DPP6: variants seen among roughly 807,000 people sequenced by gnomAD.
DPP6 encodes A-type potassium channel modulatory protein DPP6.
In DPP6, 69 loss-of-function variants were observed where a neutral mutation model predicts 122.6. The ratio of observed to expected loss-of-function variants is 0.56; its 90% CI spans 0.46 to 0.69. DPP6 has a LOEUF of 0.69. DPP6 is among the 30% of genes least tolerant of loss of function. The pLI is 0.00. For missense variants in DPP6, 928 were observed against 1,116.9 expected, an observed-to-expected ratio of 0.83 and a Z score of 2.41; for synonymous variants, 418 against 433.1, an observed-to-expected ratio of 0.97 and a Z score of 0.43.
chr7:154,695,925 C>T (rs992975399), intron 7 of DPP6, among the ~76,000 whole-genome samples: 1 of 152,138 alleles, frequency 6.6e-6, no homozygotes, highest in African/African-American at 2.4e-5. Context: ...GACACCTCCC[C>T]GAAAGCCACA....
At chr7:154,307,807 C>T (rs1267651572) in intron 1 of DPP6, among the ~76,000 whole-genome samples, 1 of 151,498 alleles carries the variant, frequency 6.6e-6, no homozygotes, top group Non-Finnish European at 1.5e-5. Flanking sequence ...TTCAGGGATA[C>T]CTCTATTCCC....
intron 1 of DPP6, among the ~76,000 whole-genome samples, chr7:154,083,617 G>A (rs1804192562): frequency 6.7e-6 from 1 of 150,156 alleles, no homozygotes; most frequent in South Asian, 2.2e-4. Flanking sequence ...TGGGTATGGG[G>A]ACAGCTCTAG....
At chr7:153,941,409 T>C (rs1801690946) in intron 1 of DPP6, among the ~76,000 whole-genome samples, 1 of 152,160 alleles carries the variant, frequency 6.6e-6, no homozygotes, top group Non-Finnish European at 1.5e-5. Context: ...GTGATGTCTG[T>C]AATGAAGCAG....
At chr7:154,848,466 C>G (rs1802118795) in intron 16 of DPP6, among the ~76,000 whole-genome samples, 1 of 152,058 alleles carries the variant, frequency 6.6e-6, no homozygotes, top group Non-Finnish European at 1.5e-5. Flanking sequence ...ATTTGCATGT[C>G]TTCTTTGACA....
intron 25 of DPP6, chr7:154,889,801 T>C: frequency 2.1e-6 from 1 of 481,444 alleles, no homozygotes; most frequent in African/African-American, 2.0e-5. Flanking sequence ...GCTCCCCTCC[T>C]CCGGGCAGTG....
At chr7:153,857,322 TTCTC>T in the DPP6 span, among the ~76,000 whole-genome samples, 940 of 124,464 alleles carry the variant, frequency 7.6e-3, 7 homozygotes, top group South Asian at 0.026. Context: ...CTCAAAGGTT[TTCTC>T]TCTCTCTCTC....
At chr7:154,463,102 A>AC (rs1478731162) in intron 2 of DPP6, among the ~76,000 whole-genome samples, 5 of 149,296 alleles carry the variant, frequency 3.3e-5, no homozygotes, top group African/African-American at 1.0e-4. Flanking sequence ...AGAATTGGGG[A>AC]CCCCAAGAGC....
intron 1 of DPP6, among the ~76,000 whole-genome samples, chr7:153,887,902 A>AG (rs1799007911): frequency 6.8e-6 from 1 of 147,906 alleles, no homozygotes; most frequent in Non-Finnish European, 1.5e-5. Flanking sequence ...ACCCAGCGGC[A>AG]GGGGGATGCG....
intron 1 of DPP6, among the ~76,000 whole-genome samples, chr7:154,024,160 G>C (rs541684184): frequency 3.3e-5 from 5 of 152,140 alleles, no homozygotes; most frequent in Admixed American, 2.6e-4. Context: ...AGCAAATACA[G>C]TATTTATCAC....
At chr7:154,451,890 C>G (rs575496355) in intron 2 of DPP6, among the ~76,000 whole-genome samples, 2 of 152,354 alleles carry the variant, frequency 1.3e-5, no homozygotes, top group Admixed American at 1.3e-4. Context: ...GTTTAGGCCT[C>G]TCCCACAGGG....
chr7:154,647,133 AC>A (rs1836536117), intron 6 of DPP6, among the ~76,000 whole-genome samples: 1 of 152,178 alleles, frequency 6.6e-6, no homozygotes, highest in Non-Finnish European at 1.5e-5. Context: ...GAATTAAGGA[AC>A]TAAGCCATGC....
chr7:154,875,981 C>T lies in DPP6; in HGVS notation c.1959C>T (p.His653=), dbSNP rs550276102. 49 of 1,613,550 alleles carry T rather than the reference C, an allele frequency of 3.0e-5. No individual in the cohort carries two copies. Among genetic ancestry groups the T allele is most frequent in the African/African-American group, 8.0e-5 (6 of 75,036 alleles). Residue 653 remains histidine (H), a synonymous_variant, in exon 20 of 26, where the codon CAC becomes CAT. Transcript: ENST00000377770. The surrounding 1 kb of genome is among the most constrained non-coding windows in gnomAD (Gnocchi z 4.5). ...GGGAGACGGTGATGGTGAGCAGCCA[C>T]GGCGCGGTGGTGGTAAAGTGTGACG... ...VSWETVMVSS[H]GAVVVKCDGR...
chr7:154,233,311 A>G (rs1001669886), intron 1 of DPP6, among the ~76,000 whole-genome samples: 2 of 152,242 alleles, frequency 1.3e-5, no homozygotes, highest in Non-Finnish European at 2.9e-5. Context: ...TAATCTGTTC[A>G]TCAGTGCAGT....
At chr7:153,878,772 T>C in the DPP6 span, among the ~76,000 whole-genome samples, 1 of 152,300 alleles carries the variant, frequency 6.6e-6, no homozygotes, top group African/African-American at 2.4e-5. Context: ...ATGTCGTACT[T>C]CAACAAGATG....
At chr7:154,626,774 T>C (rs973135489) in intron 5 of DPP6, among the ~76,000 whole-genome samples, 13 of 152,160 alleles carry the variant, frequency 8.5e-5, no homozygotes, top group African/African-American at 3.1e-4. Context: ...TATTTTTGTG[T>C]TTGGAATCTG....
intron 1 of DPP6, among the ~76,000 whole-genome samples, chr7:154,269,599 A>G (rs1803659672): frequency 6.6e-6 from 1 of 152,146 alleles, no homozygotes; most frequent in Non-Finnish European, 1.5e-5. Flanking sequence ...CTTTGCTATT[A>G]CCTATCCTCC....
At chr7:153,856,378 T>A in the DPP6 span, among the ~76,000 whole-genome samples, 1 of 152,248 alleles carries the variant, frequency 6.6e-6, no homozygotes. Context: ...TTCTGAAAAG[T>A]TGATTCTCAC....
At chr7:154,277,358 C>CA (rs1329925731) in intron 1 of DPP6, among the ~76,000 whole-genome samples, 8 of 151,888 alleles carry the variant, frequency 5.3e-5, no homozygotes, top group South Asian at 4.2e-4. Context: ...AAAACAACAA[C>CA]AACAAAAAAA....
chr7:153,860,893 C>G, the DPP6 span, among the ~76,000 whole-genome samples: 1 of 152,174 alleles, frequency 6.6e-6, no homozygotes, highest in Non-Finnish European at 1.5e-5. Context: ...AGTACCTAAA[C>G]AAAGCAGAGG....
Sources: allele counts gnomAD v4.1 joint callset (sites outside exome capture counted in the v4.1 genomes callset), GRCh38; gene constraint gnomAD v4.1.1; non-coding constraint Gnocchi (gnomAD v3.1); transcripts MANE v1.5; gene names NCBI Gene and HGNC (gene_info 2026-07-23, HGNC 2026-07-21).